The following DENND2B variants were observed in gnomAD, a reference collection of about 807,000 sequenced individuals.
DENND2B encodes DENN domain-containing protein 2B.
DENND2B carries 32 observed loss-of-function variants against 116.0 expected under a neutral mutation model. That is an observed-to-expected ratio of 0.28 (90% confidence interval 0.21 to 0.37). DENND2B has a LOEUF of 0.37. DENND2B is among the 10% of genes least tolerant of loss of function. The pLI, the probability that DENND2B is intolerant of heterozygous loss-of-function variation, is 1.00. For synonymous variants in DENND2B, 588 were observed against 583.9 expected, an observed-to-expected ratio of 1.01 and a Z score of -0.10; for missense variants, 1,276 against 1,477.7, an observed-to-expected ratio of 0.86 and a Z score of 2.24.
At chr11:8,907,859 C>T (rs2064258646) in intron 1 of DENND2B, among the ~76,000 whole-genome samples, 1 of 152,042 alleles carries the variant, frequency 6.6e-6, no homozygotes, top group Non-Finnish European at 1.5e-5. Context: ...CCATGCCAGG[C>T]TAGTTTTTTA....
chr11:8,836,737 CAG>C (rs1343392351), intron 4 of DENND2B, among the ~76,000 whole-genome samples: 2 of 151,954 alleles, frequency 1.3e-5, no homozygotes, highest in African/African-American at 4.8e-5. Context: ...GTTTTTGAGA[CAG>C]GGTCTCACTC....
chr11:8,842,192 T>C (rs557700831), intron 3 of DENND2B, among the ~76,000 whole-genome samples: 1 of 152,210 alleles, frequency 6.6e-6, no homozygotes, highest in South Asian at 2.1e-4. Context: ...TTCTCTCCTG[T>C]CCTCCCAAAA....
At chr11:8,870,502 C>T (rs370609092) in intron 2 of DENND2B, among the ~76,000 whole-genome samples, 2 of 140,740 alleles carry the variant, frequency 1.4e-5, no homozygotes, top group Non-Finnish European at 3.2e-5. Flanking sequence ...GTGTGTTGTG[C>T]GTGTGTATGT....
At chr11:8,716,079 C>CA (rs2044705946) in intron 5 of DENND2B, among the ~76,000 whole-genome samples, 1 of 152,264 alleles carries the variant, frequency 6.6e-6, no homozygotes, top group South Asian at 2.1e-4. Flanking sequence ...CCTGTGCTCT[C>CA]ATCTGAGTGG....
intron 1 of DENND2B, chr11:8,771,543 G>GAC (rs1288743596): frequency 6.7e-6 from 1 of 149,148 alleles, no homozygotes; most frequent in Admixed American, 6.7e-5. Context: ...GAGAGAGAGA[G>GAC]AGAGAGAGAG....
intron 8 of DENND2B, among the ~76,000 whole-genome samples, chr11:8,713,239 A>G (rs917405039): frequency 6.6e-6 from 1 of 152,174 alleles, no homozygotes; most frequent in Non-Finnish European, 1.5e-5. Flanking sequence ...TGAAGGTTCC[A>G]GAACCTTTTC....
chr11:8,857,629 T>A (rs2063239555), intron 2 of DENND2B, among the ~76,000 whole-genome samples: 1 of 152,220 alleles, frequency 6.6e-6, no homozygotes, highest in South Asian at 2.1e-4. Context: ...CCAACATCTT[T>A]TCTGCCTCTG....
At chr11:8,882,209 T>C (rs1042213903) in intron 1 of DENND2B, among the ~76,000 whole-genome samples, 1 of 152,236 alleles carries the variant, frequency 6.6e-6, no homozygotes, top group Non-Finnish European at 1.5e-5. Flanking sequence ...CATTGCTGGC[T>C]TCTGGCATCC....
chr11:8,708,450 C>CTCTCT, intron 11 of DENND2B: 1 of 545,992 alleles, frequency 1.8e-6, no homozygotes, highest in Non-Finnish European at 2.3e-6. Flanking sequence ...ATTATTATCC[C>CTCTCT]CTTTATAGAT....
intron 11 of DENND2B, chr11:8,708,172 G>C: frequency 7.8e-7 from 1 of 1,288,232 alleles, no homozygotes; most frequent in Middle Eastern, 3.2e-4. Flanking sequence ...GAGGCTACAG[G>C]GTGTCTGTGG....
At chr11:8,889,808 C>A (rs561200873) in intron 1 of DENND2B, among the ~76,000 whole-genome samples, 10 of 152,342 alleles carry the variant, frequency 6.6e-5, no homozygotes, top group African/African-American at 2.4e-4. Context: ...TAGACTCCAC[C>A]TCTGGGGGCA....
Position 8,764,656 on chromosome 11 carries a change from C to T in DENND2B, c.-25-13931G>A, listed in dbSNP as rs995581639. On this transcript the variant is annotated intron_variant, in intron 1 of 19. Coordinates refer to ENST00000313726, the MANE Select transcript of DENND2B (RefSeq NM_213618.2). ...CCATCCCAAGTACACCCCTGCAGCC[C>T]CACTCTATCTGGATAAAGAATTAGA... 2.0e-5 allele frequency among the ~76,000 whole-genome samples: 3 copies of T among 152,212 alleles called. No individual in the cohort carries two copies. The East Asian group carries it at 5.8e-4, about 29-fold the overall frequency.
In DENND2B at chr11:8,730,452, C is replaced by G. The variant is rs760922370; in HGVS notation, c.838G>C (p.Ala280Pro). ...ATTTTCTGGATCCGGCTCAGCACTG[C>G]TGAGCTCTCCTTCCTGCTGCCATGC... ...RGHGSRKESSAVLSRIQKIEQ... is the reference protein window; with the variant it reads ...RGHGSRKESSPVLSRIQKIEQ... The change falls in exon 3 of 20, where the codon GCA becomes CCA. Residue 280 changes from alanine to proline, a missense_variant. Transcript: ENST00000313726. The surrounding 1 kb of genome is among the most constrained non-coding windows in gnomAD (Gnocchi z 4.1). 1 of 1,610,872 alleles carries G rather than the reference C, an allele frequency of 6.2e-7. No homozygotes were observed.
At chr11:8,767,520 G>A (rs1300115779) in intron 1 of DENND2B, among the ~76,000 whole-genome samples, 3 of 152,154 alleles carry the variant, frequency 2.0e-5, no homozygotes, top group African/African-American at 7.2e-5. Context: ...AGAGGACAAG[G>A]ACTGTGTTGT....
At position 8,699,198 on chromosome 11, in the gene DENND2B, C is replaced by T. The variant is rs758001859; in HGVS notation, c.2898+15G>A. On this transcript the variant is annotated intron_variant, in intron 15 of 19. Coordinates refer to ENST00000313726, the MANE Select transcript of DENND2B (RefSeq NM_213618.2). ...CCTCCACCCTTCCCCCCAGCTGGTT[C>T]CCCCGGTGGCCCACCTCCTCCACAG... 2.6e-6 allele frequency: 4 copies of T among 1,543,224 alleles called. No individual in the cohort carries two copies. In the Admixed American group the frequency reaches 6.6e-5, roughly 25 times the overall value.
intron 1 of DENND2B, among the ~76,000 whole-genome samples, chr11:8,796,931 C>G (rs1271933886): frequency 6.6e-6 from 1 of 152,086 alleles, no homozygotes. Flanking sequence ...TAACCAGGTA[C>G]CCCTTTCAGA....
At chr11:8,827,133 A>G (rs75133073) in intron 4 of DENND2B, among the ~76,000 whole-genome samples, 540 of 152,368 alleles carry the variant, frequency 3.5e-3, no homozygotes, top group Middle Eastern at 6.8e-3. Flanking sequence ...AATTTGCAGG[A>G]AAGAAAGAAT....
chr11:8,852,963 T>C (rs1270390364), intron 3 of DENND2B, among the ~76,000 whole-genome samples: 1 of 152,184 alleles, frequency 6.6e-6, no homozygotes, highest in Non-Finnish European at 1.5e-5. Flanking sequence ...GTGATTAAAA[T>C]TCATGTGAAA....
In DENND2B at chr11:8,756,923, G is replaced by A. The variant is rs776769011; in HGVS notation, c.-25-6198C>T. ...AGTCTAGGCAGAAACTGCATGTTTA[G>A]AAAAGGAAATTGTTCAATTAGCATA... On this transcript the variant is annotated intron_variant, in intron 1 of 19. Transcript: ENST00000313726. 4.8e-4 allele frequency: 199 copies of A among 410,732 alleles called. 1 individual carries two copies. Among genetic ancestry groups the A allele is most frequent in the Non-Finnish European group, 1.4e-4 (28 of 206,834 alleles). The allele number at this position is 410,732 out of a possible 1,614,324, so 25.4% of individuals were successfully genotyped here. A position where few individuals can be genotyped will look rare whatever the true frequency, so the allele number is the denominator to read the frequency against.
Sources: gnomAD v4.1 joint callset for allele counts (sites outside exome capture counted in the v4.1 genomes callset) on GRCh38, gnomAD v4.1.1 for gene constraint, Gnocchi (gnomAD v3.1) non-coding constraint, MANE v1.5 for transcripts, NCBI Gene and HGNC (gene_info 2026-07-23, HGNC 2026-07-21) for gene names.